Variants in SPMIP3 observed in about 807,000 individuals in gnomAD.
SPMIP3 encodes the protein protein SPMIP3.
At chr1:244,367,011 G>T in the SPMIP3 span, among the ~76,000 whole-genome samples, 10 of 152,204 alleles carry the variant, frequency 6.6e-5, no homozygotes, top group African/African-American at 2.2e-4. Context: ...TCTAGCCAGG[G>T]TGTTCAGGGA....
At chr1:244,380,116 AG>A in the SPMIP3 span, among the ~76,000 whole-genome samples, 1 of 135,286 alleles carries the variant, frequency 7.4e-6, no homozygotes, top group Non-Finnish European at 1.6e-5. Context: ...TCATTCACAG[AG>A]TTTTTCTTTT....
chr1:244,359,807 G>T, the SPMIP3 span, among the ~76,000 whole-genome samples: 3 of 151,970 alleles, frequency 2.0e-5, no homozygotes, highest in East Asian at 5.8e-4. Flanking sequence ...GCTAACAGGT[G>T]TATAAAAAAA....
chr1:244,374,232 A>C, the SPMIP3 span, among the ~76,000 whole-genome samples: 1 of 151,968 alleles, frequency 6.6e-6, no homozygotes, highest in South Asian at 2.1e-4. Context: ...TGTACCACCC[A>C]CCCTTGTCCC....
At chr1:244,354,615 C>A in the SPMIP3 span, among the ~76,000 whole-genome samples, 1 of 152,192 alleles carries the variant, frequency 6.6e-6, no homozygotes, top group African/African-American at 2.4e-5. Flanking sequence ...CCTGCCTTGG[C>A]CTTCCAAAGT....
At chr1:244,363,680 A>G in the SPMIP3 span, among the ~76,000 whole-genome samples, 1 of 152,158 alleles carries the variant, frequency 6.6e-6, no homozygotes, top group Admixed American at 6.5e-5. Context: ...CCTACTCCCA[A>G]CGCCACTGTC....
At chr1:244,369,685 G>A in the SPMIP3 span, among the ~76,000 whole-genome samples, 240 of 152,298 alleles carry the variant, frequency 1.6e-3, no homozygotes, top group Middle Eastern at 0.01. Context: ...AAGATTGGTT[G>A]GACCAGGTGT....
the SPMIP3 span, among the ~76,000 whole-genome samples, chr1:244,377,833 T>A: frequency 6.6e-6 from 1 of 152,252 alleles, no homozygotes; most frequent in African/African-American, 2.4e-5. Context: ...TTTATTTATT[T>A]CTTTGAGACA....
chr1:244,353,746 G>A, the SPMIP3 span, among the ~76,000 whole-genome samples: 2 of 152,282 alleles, frequency 1.3e-5, no homozygotes, highest in East Asian at 3.9e-4. Context: ...TTACAGAACT[G>A]GTGAGAGTCA....
chr1:244,377,511 C>T, the SPMIP3 span, among the ~76,000 whole-genome samples: 4 of 152,136 alleles, frequency 2.6e-5, no homozygotes, highest in African/African-American at 9.7e-5. Flanking sequence ...GCAAGTTGTC[C>T]CACTCTTTTT....
the SPMIP3 span, among the ~76,000 whole-genome samples, chr1:244,380,339 C>T: frequency 5.3e-5 from 8 of 152,072 alleles, no homozygotes; most frequent in Middle Eastern, 0.01. Flanking sequence ...AGGCTGGTCT[C>T]GAACTCCTGA....
At chr1:244,375,199 G>A in the SPMIP3 span, 2 of 505,104 alleles carry the variant, frequency 4.0e-6, no homozygotes, top group Non-Finnish European at 7.1e-6. Flanking sequence ...GAAAAGGGCT[G>A]GTTATGCATG....
chr1:244,366,439 T>C, the SPMIP3 span, among the ~76,000 whole-genome samples: 1 of 152,352 alleles, frequency 6.6e-6, no homozygotes, highest in East Asian at 1.9e-4. Flanking sequence ...TGTGGGATTA[T>C]GGGTGTGAGC....
At chr1:244,359,482 G>A in the SPMIP3 span, among the ~76,000 whole-genome samples, 2 of 152,294 alleles carry the variant, frequency 1.3e-5, no homozygotes, top group South Asian at 4.1e-4. Context: ...CCCACTTTGG[G>A]AGGCAGAGGT....
the SPMIP3 span, among the ~76,000 whole-genome samples, chr1:244,387,793 G>C: frequency 6.6e-6 from 1 of 152,268 alleles, no homozygotes; most frequent in East Asian, 1.9e-4. Flanking sequence ...GGAGTGAAGA[G>C]AAGTAGGAAG....
At chr1:244,383,239 T>C in the SPMIP3 span, among the ~76,000 whole-genome samples, 2 of 152,080 alleles carry the variant, frequency 1.3e-5, no homozygotes, top group African/African-American at 2.4e-5. Context: ...TGGATGGGTG[T>C]GGTGGTGCAT....
the SPMIP3 span, among the ~76,000 whole-genome samples, chr1:244,377,370 C>T: frequency 6.6e-6 from 1 of 152,308 alleles, no homozygotes; most frequent in South Asian, 2.1e-4. Flanking sequence ...ATCCGCCTGC[C>T]TCGGCCTCCC....
chr1:244,380,123 C>CTTTTTTTT, the SPMIP3 span, among the ~76,000 whole-genome samples: 13 of 115,548 alleles, frequency 1.1e-4, no homozygotes, highest in Non-Finnish European at 1.6e-4. Context: ...CAGAGTTTTT[C>CTTTTTTTT]TTTTTTTTTT....
At chr1:244,382,600 G>GTTTTTTTTTTTT in the SPMIP3 span, among the ~76,000 whole-genome samples, 1 of 106,072 alleles carries the variant, frequency 9.4e-6, no homozygotes. Context: ...TCTGGCTGCT[G>GTTTTTTTTTTTT]TTTTTTTTTT....
chr1:244,378,785 G>A, the SPMIP3 span: 54 of 897,498 alleles, frequency 6.0e-5, no homozygotes, highest in Middle Eastern at 2.8e-4. Flanking sequence ...TGTTTCTGGG[G>A]TGCAGGAAGA....
Sources: allele counts gnomAD v4.1 joint callset (sites outside exome capture counted in the v4.1 genomes callset), GRCh38; gene constraint gnomAD v4.1.1; transcripts MANE v1.5; gene names NCBI Gene and HGNC (gene_info 2026-07-23, HGNC 2026-07-21).